Variants in CUX1 observed in about 807,000 individuals in gnomAD.
The protein encoded by CUX1 is cut like homeobox 1.
CUX1 carries 31 observed loss-of-function variants against 158.8 expected under a neutral mutation model. That is an observed-to-expected ratio of 0.20 (90% confidence interval 0.15 to 0.26). The LOEUF (loss-of-function observed/expected upper bound fraction) is 0.26, where lower values mean the gene tolerates loss of function less well. Among genes scored for constraint, CUX1 ranks in the 10% least tolerant of loss-of-function variants. The pLI, the probability that CUX1 is intolerant of heterozygous loss-of-function variation, is 1.00. For synonymous variants in CUX1, 879 were observed against 862.1 expected (o/e 1.02, Z -0.34); for missense variants, 1,589 against 2,014.6 (o/e 0.79, Z 4.04).
intron 1 of CUX1, among the ~76,000 whole-genome samples, chr7:101,878,102 C>T (rs1332972932): frequency 6.6e-6 from 1 of 152,158 alleles, no homozygotes; most frequent in African/African-American, 2.4e-5. Flanking sequence ...CTCCAGGGCC[C>T]TAATGCTAAT....
chr7:102,220,443 A>AG (rs1304728681), intron 20 of CUX1, among the ~76,000 whole-genome samples: 24 of 152,212 alleles, frequency 1.6e-4, no homozygotes, highest in Admixed American at 1.6e-3. Flanking sequence ...GTAAACCACC[A>AG]GGGGGTGTGG....
Position 102,062,758 on chromosome 7 carries a change from C to A in CUX1, c.190-7581C>A, listed in dbSNP as rs111245210. Among the ~76,000 whole-genome samples the A allele has an allele frequency of 3.9e-4, 59 of 152,150 alleles. 1 individual carries two copies. Among genetic ancestry groups the A allele is most frequent in the African/African-American group, 1.3e-3 (54 of 41,566 alleles). ...TCAAACGATCCTCCCACCTTGGCCT[C>A]CCAAAGTGCTGGGATTATAGGCGTG... On this transcript the variant is annotated intron_variant, in intron 3 of 23. Transcript: ENST00000292535.
intron 2 of CUX1, among the ~76,000 whole-genome samples, chr7:101,933,090 G>A (rs1335519527): frequency 2.6e-5 from 4 of 152,210 alleles, no homozygotes; most frequent in Non-Finnish European, 5.9e-5. Flanking sequence ...AGAGCCGAGA[G>A]TCATTTTTAT....
intron 2 of CUX1, among the ~76,000 whole-genome samples, chr7:102,004,748 A>C (rs1817119947): frequency 6.6e-6 from 1 of 152,026 alleles, no homozygotes; most frequent in South Asian, 2.1e-4. Flanking sequence ...TGAAGCAGCC[A>C]TCCTCACAGG....
At chr7:101,980,332 C>G (rs1442090517) in intron 2 of CUX1, among the ~76,000 whole-genome samples, 1 of 151,956 alleles carries the variant, frequency 6.6e-6, no homozygotes, top group Non-Finnish European at 1.5e-5. Context: ...ATAGCAAGAC[C>G]CTGTTTCTCC....
At chr7:102,081,268 C>T (rs1207105904) in intron 4 of CUX1, among the ~76,000 whole-genome samples, 22 of 117,768 alleles carry the variant, frequency 1.9e-4, no homozygotes, top group African/African-American at 4.9e-4. Context: ...CCCCCACGTG[C>T]TCCCAAGATA....
At chr7:101,825,990 C>G (rs1793249388) in intron 1 of CUX1, among the ~76,000 whole-genome samples, 1 of 152,110 alleles carries the variant, frequency 6.6e-6, no homozygotes, top group Admixed American at 6.6e-5. Context: ...CCATTCCTCT[C>G]CTTAAACATC....
intron 1 of CUX1, among the ~76,000 whole-genome samples, chr7:101,828,275 CA>C (rs1488255634): frequency 6.6e-6 from 1 of 151,848 alleles, no homozygotes; most frequent in African/African-American, 2.4e-5. Context: ...CAGCCCCACT[CA>C]ATGTCACTTT....
At chr7:101,865,920 C>T (rs183909195) in intron 1 of CUX1, among the ~76,000 whole-genome samples, 2 of 152,238 alleles carry the variant, frequency 1.3e-5, no homozygotes, top group South Asian at 2.1e-4. Flanking sequence ...GCGACCTTGA[C>T]GTCGACCAAA....
At chr7:101,876,111 C>T (rs1306641236) in intron 1 of CUX1, among the ~76,000 whole-genome samples, 1 of 151,892 alleles carries the variant, frequency 6.6e-6, no homozygotes, top group African/African-American at 2.4e-5. Flanking sequence ...TTTGGGAGGC[C>T]GAAGTGGGTG....
chr7:101,973,427 A>G (rs1345933106), intron 2 of CUX1, among the ~76,000 whole-genome samples: 3 of 152,204 alleles, frequency 2.0e-5, no homozygotes, highest in African/African-American at 7.2e-5. Flanking sequence ...ACGCCAGGAC[A>G]GTCTGCTGAC....
At chr7:101,995,319 C>G (rs1216547117) in intron 2 of CUX1, among the ~76,000 whole-genome samples, 1 of 152,178 alleles carries the variant, frequency 6.6e-6, no homozygotes, top group Non-Finnish European at 1.5e-5. Context: ...AGTAGAAACC[C>G]ACAGAAACTG....
At chr7:101,997,389 G>A (rs1816081199) in intron 2 of CUX1, among the ~76,000 whole-genome samples, 2 of 152,310 alleles carry the variant, frequency 1.3e-5, no homozygotes, top group Admixed American at 6.5e-5. Context: ...TGTCACCCAG[G>A]TTGGAGCGCA....
intron 3 of CUX1, among the ~76,000 whole-genome samples, chr7:102,070,035 T>A (rs1045009384): frequency 6.6e-6 from 1 of 152,156 alleles, no homozygotes; most frequent in African/African-American, 2.4e-5. Flanking sequence ...AGCTCTTAAG[T>A]CAGCATTTGG....
At chr7:102,120,580 A>G (rs1188982639) in intron 8 of CUX1, among the ~76,000 whole-genome samples, 3 of 152,234 alleles carry the variant, frequency 2.0e-5, no homozygotes, top group Non-Finnish European at 2.9e-5. Flanking sequence ...TTTACGAGGA[A>G]CTTCACTTAG....
intron 1 of CUX1, among the ~76,000 whole-genome samples, chr7:101,829,393 C>T (rs1402105583): frequency 6.6e-6 from 1 of 152,086 alleles, no homozygotes. Context: ...GAACAGATGG[C>T]GGACGGACAC....
At chr7:102,011,714 G>A (rs185875323) in intron 2 of CUX1, among the ~76,000 whole-genome samples, 1 of 152,246 alleles carries the variant, frequency 6.6e-6, no homozygotes, top group East Asian at 1.9e-4. Context: ...CTGTGGGTGG[G>A]AGAACTACCC....
intron 1 of CUX1, among the ~76,000 whole-genome samples, chr7:101,836,330 G>A (rs1794626297): frequency 6.6e-6 from 1 of 152,120 alleles, no homozygotes; most frequent in Admixed American, 6.6e-5. Flanking sequence ...TGCACAAAGT[G>A]ATTTTGTGCT....
intron 4 of CUX1, among the ~76,000 whole-genome samples, chr7:102,090,821 A>T (rs1828508139): frequency 6.6e-6 from 1 of 151,886 alleles, no homozygotes; most frequent in Non-Finnish European, 1.5e-5. Flanking sequence ...ACATTTATTG[A>T]GTGTTAACTC....
Sources: allele counts gnomAD v4.1 joint callset (sites outside exome capture counted in the v4.1 genomes callset), GRCh38; gene constraint gnomAD v4.1.1; transcripts MANE v1.5; gene names NCBI Gene and HGNC (gene_info 2026-07-23, HGNC 2026-07-21).